The following GRM8 variants were observed in gnomAD, a reference collection of about 807,000 sequenced individuals.
GRM8 encodes the protein metabotropic glutamate receptor 8.
A neutral mutation model predicts 87.2 loss-of-function variants in GRM8; 47 were observed. The ratio of observed to expected loss-of-function variants is 0.54; its 90% CI spans 0.43 to 0.69. The LOEUF (loss-of-function observed/expected upper bound fraction) is 0.69. Among genes scored for constraint, GRM8 ranks in the 30% least tolerant of loss-of-function variants. GRM8 has a pLI of 0.00. For missense variants in GRM8, 1,019 were observed against 1,139.2 expected (o/e 0.89, Z 1.52); for synonymous variants, 396 against 404.5 (o/e 0.98, Z 0.25).
At chr7:126,596,645 T>C (rs1462412936) in intron 8 of GRM8, among the ~76,000 whole-genome samples, 1 of 152,106 alleles carries the variant, frequency 6.6e-6, no homozygotes, top group Non-Finnish European at 1.5e-5. Context: ...ATAACAGAAA[T>C]GTTCTGTATG....
chr7:126,510,958 G>A (rs1041681689), intron 9 of GRM8, among the ~76,000 whole-genome samples: 3 of 152,090 alleles, frequency 2.0e-5, no homozygotes, highest in Admixed American at 6.6e-5. Context: ...ACTCATTAGC[G>A]CCACATCCTC....
intron 3 of GRM8, among the ~76,000 whole-genome samples, chr7:126,973,955 G>T (rs144504842): frequency 3.3e-5 from 5 of 152,222 alleles, no homozygotes; most frequent in African/African-American, 1.2e-4. Flanking sequence ...CTAATCCAAA[G>T]ATCTAAAATC....
chr7:127,211,324 G>A (rs1305159246), intron 2 of GRM8, among the ~76,000 whole-genome samples: 5 of 152,330 alleles, frequency 3.3e-5, no homozygotes, highest in Non-Finnish European at 7.4e-5. Context: ...GGAGTCTGAT[G>A]TTTGAGGGCA....
chr7:126,743,522 A>C (rs889324722), intron 7 of GRM8, among the ~76,000 whole-genome samples: 6 of 152,164 alleles, frequency 3.9e-5, no homozygotes, highest in African/African-American at 7.2e-5. Flanking sequence ...ATGCACCTGG[A>C]GCGAAAATGG....
intron 8 of GRM8, among the ~76,000 whole-genome samples, chr7:126,578,454 T>C (rs923676201): frequency 2.0e-5 from 3 of 152,190 alleles, no homozygotes; most frequent in Non-Finnish European, 4.4e-5. Flanking sequence ...TTTGACTTAG[T>C]GTGTCTGCTA....
intron 3 of GRM8, among the ~76,000 whole-genome samples, chr7:127,078,377 T>C (rs1168091898): frequency 6.6e-6 from 1 of 152,178 alleles, no homozygotes; most frequent in African/African-American, 2.4e-5. Context: ...TCTAGCACAG[T>C]TCCTGGCATA....
chr7:126,998,889 C>T (rs1340347665), intron 3 of GRM8, among the ~76,000 whole-genome samples: 2 of 151,640 alleles, frequency 1.3e-5, no homozygotes, highest in African/African-American at 2.4e-5. Flanking sequence ...ACATTATTTA[C>T]AAAAGTAGAA....
At chr7:126,496,570 G>A (rs999068881) in intron 9 of GRM8, among the ~76,000 whole-genome samples, 10 of 151,696 alleles carry the variant, frequency 6.6e-5, no homozygotes, top group African/African-American at 1.9e-4. Context: ...TTTTCTGAAC[G>A]AGGAAATGTT....
At chr7:126,445,079 C>T (rs1237424208) in intron 10 of GRM8, among the ~76,000 whole-genome samples, 1 of 151,980 alleles carries the variant, frequency 6.6e-6, no homozygotes, top group Non-Finnish European at 1.5e-5. Flanking sequence ...GTGGGAGGAT[C>T]ACTTGAACCC....
chr7:127,207,615 A>G (rs1563578685), intron 2 of GRM8, among the ~76,000 whole-genome samples: 2 of 152,044 alleles, frequency 1.3e-5, no homozygotes, highest in South Asian at 4.2e-4. Context: ...CTAAAACTAA[A>G]ATCCTAAACC....
intron 3 of GRM8, among the ~76,000 whole-genome samples, chr7:127,029,081 A>G (rs1177656996): frequency 6.6e-6 from 1 of 152,058 alleles, no homozygotes; most frequent in African/African-American, 2.4e-5. Flanking sequence ...TTCTGTCTTC[A>G]TTTCATTATT....
chr7:126,993,655 G>A (rs551207170), intron 3 of GRM8, among the ~76,000 whole-genome samples: 4 of 152,176 alleles, frequency 2.6e-5, no homozygotes, highest in Non-Finnish European at 5.9e-5. Flanking sequence ...CATAGAAAGA[G>A]AATCTGTACA....
chr7:126,910,813 G>A (rs1325636287), intron 3 of GRM8, among the ~76,000 whole-genome samples: 1 of 152,168 alleles, frequency 6.6e-6, no homozygotes, highest in East Asian at 1.9e-4. Flanking sequence ...ACAGATATGA[G>A]AGATAAAAGG....
At chr7:127,086,896 C>G (rs935068787) in intron 3 of GRM8, among the ~76,000 whole-genome samples, 3 of 152,224 alleles carry the variant, frequency 2.0e-5, no homozygotes, top group African/African-American at 4.8e-5. Flanking sequence ...GAGAGAAAAG[C>G]TGAACTCACA....
chr7:127,045,527 C>T (rs888286631), intron 3 of GRM8, among the ~76,000 whole-genome samples: 1 of 152,108 alleles, frequency 6.6e-6, no homozygotes, highest in Non-Finnish European at 1.5e-5. Context: ...TAACTGTATT[C>T]TACATACAGT....
intron 9 of GRM8, 74 bp from the exon 10 acceptor site, chr7:126,446,446 T>A (rs1475913957): frequency 1.7e-5 from 17 of 1,020,518 alleles, no homozygotes; most frequent in Admixed American, 2.3e-5. Flanking sequence ...ACATACTATT[T>A]TCTAAAATTG....
At chr7:126,681,083 G>A (rs879554284) in intron 7 of GRM8, among the ~76,000 whole-genome samples, 1 of 152,150 alleles carries the variant, frequency 6.6e-6, no homozygotes, top group Non-Finnish European at 1.5e-5. Context: ...CAGTAAGTAG[G>A]TAGAGAAAAT....
At chr7:126,814,650 C>A (rs1298113739) in intron 6 of GRM8, among the ~76,000 whole-genome samples, 1 of 151,874 alleles carries the variant, frequency 6.6e-6, no homozygotes, top group Non-Finnish European at 1.5e-5. Flanking sequence ...TACCACTCTC[C>A]TTATTTTCCA....
At chr7:126,767,349 C>T (rs1038183065) in intron 7 of GRM8, among the ~76,000 whole-genome samples, 1 of 152,014 alleles carries the variant, frequency 6.6e-6, no homozygotes, top group African/African-American at 2.4e-5. Flanking sequence ...ATTGTGGGTA[C>T]AAATGCAAAA....
Sources: allele counts gnomAD v4.1 joint callset (sites outside exome capture counted in the v4.1 genomes callset), GRCh38; gene constraint gnomAD v4.1.1; transcripts MANE v1.5; gene names NCBI Gene and HGNC (gene_info 2026-07-23, HGNC 2026-07-21).